SLCO6A1: variants seen among roughly 807,000 people sequenced by gnomAD.
SLCO6A1 encodes cancer/testis antigen 48.
SLCO6A1 carries 65 observed loss-of-function variants against 72.7 expected under a neutral mutation model. The observed-to-expected ratio is 0.89, with a 90% CI of 0.73 to 1.10. The LOEUF is 1.10. SLCO6A1 is among the 50% of genes least tolerant of loss of function. The pLI, the probability that SLCO6A1 is intolerant of heterozygous loss-of-function variation, is 0.00. For missense variants in SLCO6A1, 874 were observed against 872.6 expected (o/e 1.00, Z -0.02); for synonymous variants, 314 against 298.2 (o/e 1.05, Z -0.55).
intron 4 of SLCO6A1, among the ~76,000 whole-genome samples, chr5:102,463,901 A>G (rs1179922499): frequency 6.6e-6 from 1 of 151,618 alleles, no homozygotes; most frequent in African/African-American, 2.4e-5. Context: ...AAGAAGAAAA[A>G]AAAAAAAAAA....
chr5:102,397,910 T>C (rs893443627), intron 10 of SLCO6A1, among the ~76,000 whole-genome samples: 1 of 152,194 alleles, frequency 6.6e-6, no homozygotes, highest in Non-Finnish European at 1.5e-5. Context: ...TCTGTCTTGT[T>C]ATTGAGAGAA....
chr5:102,423,810 C>T (rs893871991), intron 7 of SLCO6A1, among the ~76,000 whole-genome samples: 7 of 152,206 alleles, frequency 4.6e-5, no homozygotes, highest in Non-Finnish European at 8.8e-5. Context: ...CCCAAATTAA[C>T]AGAATATACA....
chr5:102,485,744 C>T (rs1752420128), intron 1 of SLCO6A1, among the ~76,000 whole-genome samples: 1 of 152,126 alleles, frequency 6.6e-6, no homozygotes, highest in Admixed American at 6.5e-5. Context: ...TAATCTGTAT[C>T]CTTTCACTGT....
chr5:102,467,192 T>C (rs1302476981), intron 4 of SLCO6A1, among the ~76,000 whole-genome samples: 1 of 152,090 alleles, frequency 6.6e-6, no homozygotes, highest in East Asian at 1.9e-4. Flanking sequence ...GATTTTTGTA[T>C]ATTGTGATTT....
intron 10 of SLCO6A1, among the ~76,000 whole-genome samples, chr5:102,396,588 T>G (rs1158897904): frequency 6.6e-6 from 1 of 152,184 alleles, no homozygotes; most frequent in African/African-American, 2.4e-5. Context: ...GGCTTTCCTA[T>G]TCAATAACAC....
intron 12 of SLCO6A1, among the ~76,000 whole-genome samples, chr5:102,383,086 A>ATGTGTGTG (rs141906901): frequency 1.5e-4 from 18 of 116,336 alleles, no homozygotes; most frequent in East Asian, 4.4e-4. Context: ...GTGTATGTAT[A>ATGTGTGTG]TGTGTGTGAA....
intron 8 of SLCO6A1, among the ~76,000 whole-genome samples, chr5:102,414,932 TA>T (rs1561441804): frequency 0.15 from 22,892 of 150,146 alleles, 1,742 homozygotes; most frequent in Middle Eastern, 0.18. Context: ...AATAAATAAA[TA>T]AATAAATTAA....
At chr5:102,421,123 C>A (rs576123816) in intron 7 of SLCO6A1, among the ~76,000 whole-genome samples, 11 of 152,290 alleles carry the variant, frequency 7.2e-5, no homozygotes, top group African/African-American at 2.6e-4. Flanking sequence ...TGGCAATCCA[C>A]AGATAAGGAG....
chr5:102,433,394 A>T lies in SLCO6A1; in HGVS notation c.1276+5223T>A, dbSNP rs1120953. Among the ~76,000 whole-genome samples, 589 of 152,172 alleles carry T rather than the reference A, an allele frequency of 3.9e-3. 4 individuals are homozygous for T. The highest frequency in any genetic ancestry group is 0.012 in the African/African-American group (514 of 41,518). On this transcript the variant is annotated intron_variant, in intron 7 of 13. Coordinates refer to ENST00000506729, the MANE Select transcript of SLCO6A1 (RefSeq NM_173488.5). The stretch of plus-strand genomic sequence containing the variant: ...GCTGCTTTTTTATCTTTGTGGGCTG[A>T]TGCTCCTTTAATCCTTGAAGTTCCT...
At chr5:102,377,749 G>A (rs758907497) in intron 12 of SLCO6A1, among the ~76,000 whole-genome samples, 51 of 151,770 alleles carry the variant, frequency 3.4e-4, no homozygotes, top group Non-Finnish European at 6.2e-4. Flanking sequence ...TCATCTCACC[G>A]CAATCTCCAC....
intron 12 of SLCO6A1, among the ~76,000 whole-genome samples, chr5:102,387,818 T>G (rs956854898): frequency 3.3e-5 from 5 of 152,156 alleles, no homozygotes; most frequent in African/African-American, 1.2e-4. Flanking sequence ...GATTAAGACT[T>G]CAGAAATTAG....
At chr5:102,478,021 A>C (rs1327024133) in intron 2 of SLCO6A1, among the ~76,000 whole-genome samples, 160 bp from the exon 3 acceptor site, 1 of 152,160 alleles carries the variant, frequency 6.6e-6, no homozygotes, top group Non-Finnish European at 1.5e-5. Flanking sequence ...ACTGCAATCA[A>C]TCATCATGTT....
At chr5:102,381,731 CTTTTT>C (rs57935092) in intron 12 of SLCO6A1, among the ~76,000 whole-genome samples, 1 of 134,348 alleles carries the variant, frequency 7.4e-6, no homozygotes, top group South Asian at 2.3e-4. Flanking sequence ...CAATATTTAT[CTTTTT>C]TTTTTTTTTT....
At chr5:102,403,996 T>C (rs1747535767) in intron 9 of SLCO6A1, among the ~76,000 whole-genome samples, 2 of 152,184 alleles carry the variant, frequency 1.3e-5, no homozygotes, top group African/African-American at 4.8e-5. Flanking sequence ...GAAAGGTTTA[T>C]ATTATTCTTT....
chr5:102,460,184 C>T (rs1223943679), intron 4 of SLCO6A1, among the ~76,000 whole-genome samples: 2 of 152,056 alleles, frequency 1.3e-5, no homozygotes, highest in African/African-American at 2.4e-5. Flanking sequence ...AAGCTTGGCC[C>T]CTTATGTTGC....
intron 6 of SLCO6A1, among the ~76,000 whole-genome samples, chr5:102,456,343 A>T (rs949910251): frequency 6.6e-6 from 1 of 152,186 alleles, no homozygotes; most frequent in Non-Finnish European, 1.5e-5. Context: ...ACATGATTGT[A>T]TATCTAGAAA....
intron 8 of SLCO6A1, among the ~76,000 whole-genome samples, chr5:102,414,136 T>C (rs1276225146): frequency 2.0e-5 from 3 of 152,194 alleles, no homozygotes; most frequent in Admixed American, 2.0e-4. Context: ...TGGTGTCACA[T>C]CTAAAAGATA....
At chr5:102,416,441 C>T (rs1053773920) in intron 8 of SLCO6A1, among the ~76,000 whole-genome samples, 19 of 151,530 alleles carry the variant, frequency 1.3e-4, no homozygotes, top group Middle Eastern at 3.2e-3. Context: ...ATAGATGAAA[C>T]GGGAAGTCAT....
chr5:102,423,702 T>C (rs1748733943), intron 7 of SLCO6A1, among the ~76,000 whole-genome samples: 1 of 152,154 alleles, frequency 6.6e-6, no homozygotes, highest in African/African-American at 2.4e-5. Context: ...CTGTCAATAT[T>C]AGACAGATCA....
Sources: allele counts gnomAD v4.1 joint callset (sites outside exome capture counted in the v4.1 genomes callset), GRCh38; gene constraint gnomAD v4.1.1; transcripts MANE v1.5; gene names NCBI Gene and HGNC (gene_info 2026-07-23, HGNC 2026-07-21).